The following MYT1L variants were observed in gnomAD, a reference collection of about 807,000 sequenced individuals.
The protein encoded by MYT1L is myelin transcription factor 1-like protein.
In MYT1L, 12 loss-of-function variants were observed where a neutral mutation model predicts 126.7. The observed-to-expected ratio is 0.09, with a 90% CI of 0.06 to 0.15. MYT1L has a LOEUF of 0.15. MYT1L is among the 10% of genes least tolerant of loss of function. The probability of loss-of-function intolerance (pLI) is 1.00; values close to 1 mark genes in which losing one functional copy is unlikely to be tolerated. For missense variants in MYT1L, 979 were observed against 1,585.2 expected, an observed-to-expected ratio of 0.62 and a Z score of 6.49; for synonymous variants, 541 against 604.2, an observed-to-expected ratio of 0.90 and a Z score of 1.53.
chr2:1,892,390 G>A lies in MYT1L; in HGVS notation c.2033-103C>T, dbSNP rs887362279. The A allele has an allele frequency of 5.0e-5, 72 of 1,444,018 alleles. No homozygotes were observed. The Middle Eastern group carries it at 1.8e-3, about 36-fold the overall frequency. The allele number at this position is 1,444,018 out of a possible 1,614,324, so 89.5% of individuals were successfully genotyped here. A position where few individuals can be genotyped will look rare whatever the true frequency, so the allele number is the denominator to read the frequency against. Reference sequence around the variant, plus strand: ...GCCCCGGCCTCAGCCACACACAGCCGCGTGGGACGGCCCTCAGGGTGCTGG... The same window carrying A: ...GCCCCGGCCTCAGCCACACACAGCCACGTGGGACGGCCCTCAGGGTGCTGG... On this transcript the variant is annotated intron_variant, in intron 14 of 24. Coordinates refer to ENST00000647738, the MANE Select transcript of MYT1L (RefSeq NM_001303052.2).
Position 1,889,516 on chromosome 2 carries a change from C to T in MYT1L, c.2284-39G>A, listed in dbSNP as rs776978013. ...GACATAGTGACTGTGCTTGGCCCGG[C>T]ATCTTGTGACACCACGAGTCCTTCC... On this transcript the variant is annotated intron_variant, in intron 15 of 24. Transcript: ENST00000647738. This position sits in a 1 kb window ranked among gnomAD's most constrained non-coding sequence, Gnocchi z 4.1. 3.4e-6 allele frequency: 5 copies of T among 1,482,004 alleles called. No individual in the cohort carries two copies. Among genetic ancestry groups the T allele is most frequent in the Non-Finnish European group, 4.6e-6 (5 of 1,088,930 alleles). The allele number at this position is 1,482,004 out of a possible 1,614,324, so 91.8% of individuals were successfully genotyped here. A position where few individuals can be genotyped will look rare whatever the true frequency, so the allele number is the denominator to read the frequency against.
chr2:2,205,276 T>TA (rs199676083), intron 2 of MYT1L, among the ~76,000 whole-genome samples: 4,128 of 152,096 alleles, frequency 0.027, 85 homozygotes, highest in Non-Finnish European at 0.042. Flanking sequence ...ATAATAAAAT[T>TA]AAAAAAACTA....
At chr2:1,928,078 G>T (rs1288662219) in intron 9 of MYT1L, among the ~76,000 whole-genome samples, 1 of 152,072 alleles carries the variant, frequency 6.6e-6, no homozygotes, top group Non-Finnish European at 1.5e-5. Flanking sequence ...CTCAGCTTTT[G>T]AGTAGCTGGG....
intron 8 of MYT1L, among the ~76,000 whole-genome samples, chr2:1,959,475 C>G (rs766302231): frequency 6.6e-6 from 1 of 152,214 alleles, no homozygotes; most frequent in African/African-American, 2.4e-5. Context: ...AGAGAAGCAT[C>G]TGATTGGCTG....
chr2:2,112,094 C>A (rs185317919), intron 3 of MYT1L, among the ~76,000 whole-genome samples: 25 of 152,268 alleles, frequency 1.6e-4, no homozygotes, highest in African/African-American at 5.8e-4. Context: ...GAGCCCAGAG[C>A]CCCCTCCCGT....
Position 1,806,540 on chromosome 2 carries a change from C to T in MYT1L, c.3172+2536G>A, listed in dbSNP as rs940893528. ...GGTTCCTCTAGTTTAGAGTCACAGA[C>T]CAACTGCTTATCTTTATCCCTCCGA... On this transcript the variant is annotated intron_variant, in intron 22 of 24. Coordinates refer to ENST00000647738, the MANE Select transcript of MYT1L (RefSeq NM_001303052.2). This position sits in a 1 kb window ranked among gnomAD's most constrained non-coding sequence, Gnocchi z 4.9. 6.6e-6 allele frequency among the ~76,000 whole-genome samples: 1 copy of T among 152,204 alleles called. No individual in the cohort carries two copies. Among genetic ancestry groups the T allele is most frequent in the African/African-American group, 2.4e-5 (1 of 41,446 alleles).
At chr2:2,026,266 C>CG (rs1323783296) in intron 4 of MYT1L, among the ~76,000 whole-genome samples, 1 of 152,120 alleles carries the variant, frequency 6.6e-6, no homozygotes, top group Non-Finnish European at 1.5e-5. Context: ...CAAGGGTGTG[C>CG]GGGGGACGTG....
At chr2:2,109,889 A>C (rs1329023869) in intron 3 of MYT1L, among the ~76,000 whole-genome samples, 1 of 83,710 alleles carries the variant, frequency 1.2e-5, no homozygotes, top group African/African-American at 3.9e-5. Flanking sequence ...ATATATATAT[A>C]TATATATATA....
At chr2:1,831,162 T>C (rs2040115988) in intron 21 of MYT1L, among the ~76,000 whole-genome samples, 1 of 152,180 alleles carries the variant, frequency 6.6e-6, no homozygotes, top group African/African-American at 2.4e-5. Flanking sequence ...ATGACTCCCA[T>C]GAAGTCCTTG....
chr2:1,967,045 A>C (rs1047026827), intron 8 of MYT1L, among the ~76,000 whole-genome samples: 3 of 152,204 alleles, frequency 2.0e-5, no homozygotes, highest in Admixed American at 1.3e-4. Context: ...TTGGGGGTAC[A>C]AGTGGCTTTT....
intron 8 of MYT1L, among the ~76,000 whole-genome samples, chr2:1,947,101 A>C (rs1454822127): frequency 6.6e-6 from 1 of 152,044 alleles, no homozygotes; most frequent in Non-Finnish European, 1.5e-5. Context: ...AGCACCATTC[A>C]CTAAAACAGA....
At position 2,086,202 on chromosome 2, in the gene MYT1L, G is replaced by A. The variant is rs1023602; in HGVS notation, c.-303-32079C>T. On this transcript the variant is annotated intron_variant, in intron 3 of 24. Coordinates refer to ENST00000647738, the MANE Select transcript of MYT1L (RefSeq NM_001303052.2). ...AGTTTACTCTTTAGTAAGGCAACAT[G>A]CTGTTAGGAAGAGATGCGCTAAATA... Among the ~76,000 whole-genome samples the A allele has an allele frequency of 4.0e-3, 611 of 152,280 alleles. 5 individuals carry two copies. Among genetic ancestry groups the A allele is most frequent in the African/African-American group, 0.014 (583 of 41,562 alleles).
intron 21 of MYT1L, among the ~76,000 whole-genome samples, chr2:1,831,854 G>A (rs753105130): frequency 2.0e-5 from 3 of 152,078 alleles, no homozygotes; most frequent in Non-Finnish European, 2.9e-5. Context: ...TCTTCCCCCT[G>A]GACCCCTGAG....
intron 8 of MYT1L, among the ~76,000 whole-genome samples, chr2:1,955,976 C>T (rs149300239): frequency 3.9e-5 from 6 of 152,308 alleles, no homozygotes; most frequent in East Asian, 3.9e-4. Flanking sequence ...AATATGACTG[C>T]TTTTGTTATG....
chr2:1,822,892 T>G (rs13384423), intron 21 of MYT1L, among the ~76,000 whole-genome samples: 2,950 of 152,264 alleles, frequency 0.019, 51 homozygotes, highest in Non-Finnish European at 0.031. Flanking sequence ...GGACTGAGTG[T>G]AATCCTAGCA....
chr2:1,964,905 T>C (rs1395287114), intron 8 of MYT1L, among the ~76,000 whole-genome samples: 1 of 152,184 alleles, frequency 6.6e-6, no homozygotes, highest in East Asian at 1.9e-4. Flanking sequence ...CAAGGAAGAC[T>C]GACAGCCGTG....
chr2:1,963,004 A>G (rs949954596), intron 8 of MYT1L, among the ~76,000 whole-genome samples: 1 of 152,340 alleles, frequency 6.6e-6, no homozygotes, highest in East Asian at 1.9e-4. Flanking sequence ...AAGATTTTCA[A>G]TTTACTATGT....
rs1157894214 is a variant in MYT1L at position 1,925,452 on chromosome 2, TC to T, written c.506-2190del. 1.4e-4 allele frequency among the ~76,000 whole-genome samples: 22 copies of T among 152,240 alleles called. 1 individual carries two copies. In the East Asian group the frequency reaches 4.0e-3, roughly 28 times the overall value. On this transcript the variant is annotated intron_variant, in intron 9 of 24. Coordinates refer to ENST00000647738, the MANE Select transcript of MYT1L (RefSeq NM_001303052.2). ...AATCTCAGGATTAGCTTCAGTTTGTTCCCCCCTACATTCTCCCTTCAGCAGC... is the reference window on the plus strand; with the variant it reads ...AATCTCAGGATTAGCTTCAGTTTGTTCCCCCTACATTCTCCCTTCAGCAGC...
Position 2,186,187 on chromosome 2 carries a change from C to T in MYT1L, c.-420-13199G>A, listed in dbSNP as rs572249972. 5.5e-5 allele frequency among the ~76,000 whole-genome samples: 6 copies of T among 108,970 alleles called. 1 individual carries two copies. In the South Asian group the frequency reaches 1.4e-3, roughly 25 times the overall value. The allele number at this position is 108,970 out of a possible 152,430, so 71.5% of individuals were successfully genotyped here. A position where few individuals can be genotyped will look rare whatever the true frequency, so the allele number is the denominator to read the frequency against. On this transcript the variant is annotated intron_variant, in intron 2 of 24. Coordinates refer to ENST00000647738, the MANE Select transcript of MYT1L (RefSeq NM_001303052.2). Reference sequence around the variant, plus strand: ...GCCCGCGTTCCTTACGTGAGGGGGACGCAGCCAGGCCTTCCGGGCCTTCCC... The same window carrying T: ...GCCCGCGTTCCTTACGTGAGGGGGATGCAGCCAGGCCTTCCGGGCCTTCCC...
Sources: allele counts gnomAD v4.1 joint callset (sites outside exome capture counted in the v4.1 genomes callset), GRCh38; gene constraint gnomAD v4.1.1; non-coding constraint Gnocchi (gnomAD v3.1); transcripts MANE v1.5; gene names NCBI Gene and HGNC (gene_info 2026-07-23, HGNC 2026-07-21).